The following TTC34 variants were observed in gnomAD, a reference collection of about 807,000 sequenced individuals.
TTC34 encodes tetratricopeptide repeat domain 34, also known as tetratricopeptide repeat protein 34.
In TTC34, 44 loss-of-function variants were observed where a neutral mutation model predicts 40.7. That is an observed-to-expected ratio of 1.08 (90% confidence interval 0.85 to 1.39). TTC34 has a LOEUF of 1.39. Ranked by LOEUF, TTC34 falls within the 40% of genes most tolerant of loss-of-function variation. TTC34 has a pLI of 0.00. For missense variants in TTC34, 884 were observed against 838.0 expected (o/e 1.05, Z -0.68); for synonymous variants, 422 against 398.6 (o/e 1.06, Z -0.70).
At chr1:2,797,460 A>AC (rs150783447) in intron 2 of TTC34, among the ~76,000 whole-genome samples, 5,408 of 150,348 alleles carry the variant, frequency 0.036, 151 homozygotes, top group South Asian at 0.059. Context: ...CTGACCCTAA[A>AC]CCCCCCTTTT....
intron 6 of TTC34, among the ~76,000 whole-genome samples, chr1:2,750,538 T>A (rs1463296829): frequency 7.2e-6 from 1 of 139,088 alleles, no homozygotes; most frequent in Non-Finnish European, 1.6e-5. Flanking sequence ...CAAGCGAGCA[T>A]CCGACAGCCT....
chr1:2,694,467 C>A (rs575633886), intron 6 of TTC34, among the ~76,000 whole-genome samples: 3 of 121,756 alleles, frequency 2.5e-5, no homozygotes, highest in African/African-American at 3.6e-5. Context: ...GCAGCACCCA[C>A]AACCCCAGGC....
intron 6 of TTC34, among the ~76,000 whole-genome samples, chr1:2,778,205 C>T (rs1225009606): frequency 1.3e-5 from 2 of 152,226 alleles, no homozygotes; most frequent in African/African-American, 2.4e-5. Flanking sequence ...TTCCTTTCTT[C>T]CTAGAACTCC....
intron 6 of TTC34, chr1:2,774,296 AC>A (rs1642847007): frequency 1.1e-5 from 1 of 91,958 alleles, no homozygotes; most frequent in Non-Finnish European, 2.3e-5. Flanking sequence ...ATAAAACAGC[AC>A]CCCTACTGGC....
intron 6 of TTC34, among the ~76,000 whole-genome samples, chr1:2,751,334 C>T (rs1334108701): frequency 2.7e-4 from 32 of 120,186 alleles, no homozygotes; most frequent in South Asian, 6.0e-4. Flanking sequence ...CACCCCCAGG[C>T]GAGCATCTGA....
At chr1:2,749,363 G>A (rs1641242741) in intron 6 of TTC34, among the ~76,000 whole-genome samples, 1 of 74,816 alleles carries the variant, frequency 1.3e-5, no homozygotes, top group African/African-American at 8.5e-5. Flanking sequence ...GCACCCACAT[G>A]CCCAGGTGAG....
At chr1:2,781,952 C>T (rs1054870757) in intron 6 of TTC34, among the ~76,000 whole-genome samples, 7 of 152,114 alleles carry the variant, frequency 4.6e-5, no homozygotes, top group East Asian at 3.8e-4. Context: ...AATATTCATA[C>T]GGGATAATGG....
chr1:2,694,741 G>A lies in TTC34; in HGVS notation c.2227-49178C>T, dbSNP rs1389488444. 2.7e-5 allele frequency among the ~76,000 whole-genome samples: 2 copies of A among 73,874 alleles called. 1 individual carries two copies. The highest frequency in any genetic ancestry group is 8.9e-5 in the African/African-American group (2 of 22,436). 48.5% of individuals were successfully genotyped at this position (73,874 alleles called of 152,430 possible). ...GGTGAGCATCTGACATCGTGGAGCA[G>A]CACCCCAAACCCACAGGTGAGCATC... On this transcript the variant is annotated intron_variant, in intron 6 of 8. Coordinates refer to ENST00000401095, the Ensembl canonical transcript of TTC34.
intron 6 of TTC34, among the ~76,000 whole-genome samples, chr1:2,687,697 G>A (rs1010339357): frequency 6.6e-6 from 1 of 150,974 alleles, no homozygotes; most frequent in African/African-American, 2.5e-5. Context: ...CCCCAGTTGA[G>A]CATCTGACAG....
intron 8 of TTC34, among the ~76,000 whole-genome samples, chr1:2,642,943 T>C (rs1638937058): frequency 6.6e-6 from 1 of 152,172 alleles, no homozygotes; most frequent in Non-Finnish European, 1.5e-5. Flanking sequence ...CGAAACCCCG[T>C]CCCTCGCCTG....
chr1:2,759,617 C>T (rs1422113775), intron 6 of TTC34, among the ~76,000 whole-genome samples: 909 of 112,288 alleles, frequency 8.1e-3, no homozygotes, highest in East Asian at 0.015. Context: ...GAGCATCCGC[C>T]AGCCTGGAAC....
At chr1:2,694,642 C>T (rs1640776621) in intron 6 of TTC34, among the ~76,000 whole-genome samples, 1 of 84,608 alleles carries the variant, frequency 1.2e-5, no homozygotes, top group African/African-American at 3.8e-5. Context: ...TCCCGGCGAG[C>T]ATCTGACGGC....
At chr1:2,757,761 A>G (rs1328483425) in intron 6 of TTC34, among the ~76,000 whole-genome samples, 2 of 146,518 alleles carry the variant, frequency 1.4e-5, no homozygotes, top group Non-Finnish European at 3.0e-5. Context: ...CCCACAGGCG[A>G]GCATCTGAAC....
chr1:2,749,643 C>A (rs1384922039), intron 6 of TTC34, among the ~76,000 whole-genome samples: 2 of 97,738 alleles, frequency 2.0e-5, no homozygotes, highest in African/African-American at 5.4e-5. Context: ...AGCCCCCACA[C>A]CCAGAGGTGA....
At chr1:2,782,421 T>G (rs1643498930) in intron 6 of TTC34, among the ~76,000 whole-genome samples, 1 of 152,234 alleles carries the variant, frequency 6.6e-6, no homozygotes, top group African/African-American at 2.4e-5. Context: ...TGTCAAATTT[T>G]GTCTTTTCAA....
chr1:2,643,170 T>C (rs1014091388), intron 8 of TTC34, among the ~76,000 whole-genome samples: 1 of 151,902 alleles, frequency 6.6e-6, no homozygotes, highest in African/African-American at 2.4e-5. Flanking sequence ...GACCCCAGAC[T>C]CCCCTGAGCC....
exon 3 of TTC34, chr1:2,790,177 C>T (rs1643647438): frequency 2.5e-6 from 1 of 398,298 alleles, no homozygotes; most frequent in Admixed American, 4.4e-5. Context: ...GCGCCTGAGC[C>T]CGGACGCGCT....
intron 6 of TTC34, chr1:2,776,325 C>T (rs1427522593): frequency 6.6e-5 from 9 of 136,168 alleles, no homozygotes; most frequent in Non-Finnish European, 1.1e-4. Flanking sequence ...AAGACCACTG[C>T]CCCCAGGTGA....
chr1:2,749,438 C>T (rs1641245051), intron 6 of TTC34, among the ~76,000 whole-genome samples: 2 of 142,252 alleles, frequency 1.4e-5, no homozygotes, highest in Admixed American at 7.3e-5. Flanking sequence ...GGAACAGCAC[C>T]GACACCCCCA....
Sources: allele counts gnomAD v4.1 joint callset (sites outside exome capture counted in the v4.1 genomes callset), GRCh38; gene constraint gnomAD v4.1.1; transcripts MANE v1.5; gene names NCBI Gene and HGNC (gene_info 2026-07-23, HGNC 2026-07-21).